CUBN: variants seen among roughly 807,000 people sequenced by gnomAD.
The protein encoded by CUBN is cubilin.
CUBN carries 282 observed loss-of-function variants against 405.3 expected under a neutral mutation model. The ratio of observed to expected loss-of-function variants is 0.70; its 90% CI spans 0.63 to 0.77. CUBN has a LOEUF of 0.77. CUBN is among the 30% of genes least tolerant of loss of function. CUBN has a pLI of 0.00. For synonymous variants in CUBN, 1,684 were observed against 1,617.0 expected, an observed-to-expected ratio of 1.04 and a Z score of -0.99; for missense variants, 4,514 against 4,475.2, an observed-to-expected ratio of 1.01 and a Z score of -0.25.
At chr10:16,932,906 T>G (rs1215665556) in intron 40 of CUBN, among the ~76,000 whole-genome samples, 181 bp downstream of exon 40, 1 of 152,188 alleles carries the variant, frequency 6.6e-6, no homozygotes, top group African/African-American at 2.4e-5. Context: ...TGACCGGTAA[T>G]TTAATACTTT....
At chr10:16,938,889 C>T (rs993607340) in intron 38 of CUBN, 74 bp downstream of exon 38, 11 of 1,327,108 alleles carry the variant, frequency 8.3e-6, no homozygotes, top group South Asian at 2.4e-5. Flanking sequence ...CTTGAATAGA[C>T]GTTACCTTGG....
At position 16,869,649 on chromosome 10, in the gene CUBN, G is replaced by A. The variant is rs1257628128; in HGVS notation, c.9441C>T (p.Phe3147=). The A allele has an allele frequency of 1.2e-6, 2 of 1,612,992 alleles. No individual in the cohort carries two copies. The highest frequency in any genetic ancestry group is 2.2e-5 in the South Asian group (2 of 91,050). Reference sequence around the variant, plus strand: ...CAGAATTCTTACCCAATGTCTGCCGGAAAGACATCTTCCAGCCTTTTGCTG... The same window carrying A: ...CAGAATTCTTACCCAATGTCTGCCGAAAAGACATCTTCCAGCCTTTTGCTG... The part of the protein sequence containing the change: ...FQTAKGWKMS[F]RQTLGPQQGC... The change falls in exon 59 of 67, where the codon TTC becomes TTT. Residue 3147 remains phenylalanine, a synonymous_variant. Coordinates refer to ENST00000377833, the MANE Select transcript of CUBN (RefSeq NM_001081.4).
At chr10:17,122,682 A>T in intron 6 of CUBN, 113 bp downstream of exon 6, 2 of 716,992 alleles carry the variant, frequency 2.8e-6, no homozygotes, top group South Asian at 3.1e-5. Context: ...TTCCTCATGG[A>T]GTACCAACTT....
rs1188209519 is a variant in CUBN, at chr10:16,954,469, G to A, written c.4775C>T (p.Ser1592Phe). 6.2e-7 allele frequency: 1 copy of A among 1,614,086 alleles called. No individual in the cohort carries two copies. The highest frequency in any genetic ancestry group is 8.5e-7 in the Non-Finnish European group (1 of 1,180,020). Residue 1592 changes from serine to phenylalanine, a missense_variant, in exon 32 of 67, where the codon TCC becomes TTC. Physicochemically the swap from Ser to Phe is radical, Grantham distance 155. Transcript: ENST00000377833. The part of the protein sequence containing the change: ...GREQLANPIV[S>F]SGNSLFLRFQ... ...TCTCAAGAAGAGGCTGTTTCCTGAG[G>A]AGACGATGGGGTTAGCCAGCTGCTC...
chr10:17,045,384 G>A (rs1424467598), intron 24 of CUBN, among the ~76,000 whole-genome samples, 196 bp from the exon 25 acceptor site: 2 of 146,284 alleles, frequency 1.4e-5, no homozygotes, highest in African/African-American at 2.6e-5. Flanking sequence ...TTTTGAGATG[G>A]AGTCTCACTG....
rs1564413350 is a variant in CUBN at position 16,902,194 on chromosome 10, T to C, written c.8063-735A>G. The stretch of plus-strand genomic sequence containing the variant: ...TATATAGTATATATATTTGTATATA[T>C]AGTATATATATTTATATATATAGTA... On this transcript the variant is annotated intron_variant, in intron 51 of 66. Transcript: ENST00000377833. Among the ~76,000 whole-genome samples the C allele has an allele frequency of 2.2e-5, 3 of 136,122 alleles. No individual in the cohort carries two copies. The South Asian group carries it at 6.5e-4, about 30-fold the overall frequency. 89.3% of individuals were successfully genotyped at this position (136,122 alleles called of 152,430 possible).
intron 28 of CUBN, among the ~76,000 whole-genome samples, chr10:17,010,882 T>C (rs1458174845): frequency 6.6e-6 from 1 of 152,202 alleles, no homozygotes; most frequent in African/African-American, 2.4e-5. Context: ...CTCCTAAGTG[T>C]ATAATAGGGC....
At chr10:16,957,956 C>T (rs1241376356) in intron 31 of CUBN, among the ~76,000 whole-genome samples, 1 of 150,188 alleles carries the variant, frequency 6.7e-6, no homozygotes, top group African/African-American at 2.4e-5. Context: ...CAAAATAAGA[C>T]TCTTCTGGTT....
At chr10:17,017,458 C>T (rs190021016) in intron 28 of CUBN, among the ~76,000 whole-genome samples, 26 of 152,206 alleles carry the variant, frequency 1.7e-4, no homozygotes, top group South Asian at 2.1e-4. Flanking sequence ...GGACCTTACC[C>T]GCATCGTATA....
chr10:17,041,396 A>T (rs1421784128), intron 26 of CUBN, among the ~76,000 whole-genome samples, 176 bp from the exon 27 acceptor site: 1 of 152,090 alleles, frequency 6.6e-6, no homozygotes, highest in Non-Finnish European at 1.5e-5. Flanking sequence ...ACACATATAT[A>T]TTTGGTGCAG....
chr10:16,863,127 T>C (rs1840065475), intron 59 of CUBN, among the ~76,000 whole-genome samples: 1 of 152,230 alleles, frequency 6.6e-6, no homozygotes, highest in Non-Finnish European at 1.5e-5. Flanking sequence ...CATTTGTTGG[T>C]TTCTTTATCC....
At chr10:16,938,899 G>C (rs1842585676) in intron 38 of CUBN, 64 bp downstream of exon 38, 1 of 1,407,418 alleles carries the variant, frequency 7.1e-7, no homozygotes, top group African/African-American at 1.4e-5. Context: ...CGTTACCTTG[G>C]ATTTATTTTT....
intron 31 of CUBN, among the ~76,000 whole-genome samples, chr10:16,967,974 G>GGA (rs1396239239): frequency 1.5e-5 from 2 of 130,858 alleles, no homozygotes; most frequent in Non-Finnish European, 3.3e-5. Flanking sequence ...AGAAAGACAG[G>GGA]GAGAGAGAGA....
rs552715628 is a variant in CUBN, at chr10:17,068,589, G to A, written c.2791+16C>T. ...AAGCCCAAGAGGAGGAAAAAAAAAA[G>A]GGAACAGTCTCTTACCCAAATCCTC... On this transcript the variant is annotated intron_variant, in intron 20 of 66. Transcript: ENST00000377833. The A allele has an allele frequency of 5.0e-6, 8 of 1,584,690 alleles. No individual in the cohort carries two copies. In the East Asian group the frequency reaches 6.7e-5, roughly 13 times the overall value.
Position 16,875,632 on chromosome 10 carries a change from C to T in CUBN, c.9107-1129G>A, listed in dbSNP as rs377706786. Among the ~76,000 whole-genome samples, 7 of 152,218 alleles carry T rather than the reference C, an allele frequency of 4.6e-5. No individual in the cohort carries two copies. In the South Asian group the frequency reaches 1.4e-3, roughly 32 times the overall value. ...TGAATTACATGTCAGATAAGGGTAG[C>T]AATCACTCCTTTTCACTTTATACAC... On this transcript the variant is annotated intron_variant, in intron 57 of 66. Coordinates refer to ENST00000377833, the MANE Select transcript of CUBN (RefSeq NM_001081.4).
chr10:17,114,295 T>G lies in CUBN; in HGVS notation c.721-106A>C, dbSNP rs1198506150. On this transcript the variant is annotated intron_variant, in intron 7 of 66. Transcript: ENST00000377833. ...AACTGTTTATCCTCTAACGTTCATTTCCATAAGGCCAATCCACTGGCTTCT... is the reference window on the plus strand; with the variant it reads ...AACTGTTTATCCTCTAACGTTCATTGCCATAAGGCCAATCCACTGGCTTCT... 3 of 1,131,362 alleles carry G rather than the reference T, an allele frequency of 2.7e-6. No individual in the cohort carries two copies. The African/African-American group carries it at 4.6e-5, about 17-fold the overall frequency. The allele number at this position is 1,131,362 out of a possible 1,614,324, so 70.1% of individuals were successfully genotyped here. A position where few individuals can be genotyped will look rare whatever the true frequency, so the allele number is the denominator to read the frequency against.
Position 16,840,364 on chromosome 10 carries a change from G to A in CUBN, c.9998C>T (p.Thr3333Met), listed in dbSNP as rs140637500. 109 of 1,613,980 alleles carry A rather than the reference G, an allele frequency of 6.8e-5. No individual in the cohort carries two copies. Among genetic ancestry groups the A allele is most frequent in the Middle Eastern group, 1.6e-4 (1 of 6,084 alleles). Residue 3333 changes from threonine to methionine, a missense_variant, in exon 62 of 67, where the codon ACG (threonine) becomes ATG (methionine). This residue lies in a region of CUBN where 1,186 missense variants were observed against 1,186.9 expected (regional missense o/e 1.00). Coordinates refer to ENST00000377833, the MANE Select transcript of CUBN (RefSeq NM_001081.4). ...WALQLTSQDC[T>M]QNYLQLQDSP... ...GTCCTGAAGCTGTAAGTAATTCTGCGTGCAGTCTTGCGAGGTCAGCTGTAA... is the reference window on the plus strand; with the variant it reads ...GTCCTGAAGCTGTAAGTAATTCTGCATGCAGTCTTGCGAGGTCAGCTGTAA...
intron 58 of CUBN, among the ~76,000 whole-genome samples, chr10:16,871,623 A>G (rs1469465529): frequency 1.3e-5 from 2 of 152,144 alleles, no homozygotes; most frequent in Admixed American, 6.6e-5. Context: ...CAATAGCTAG[A>G]TAATTTCCAA....
chr10:17,048,073 G>T (rs778365276), intron 22 of CUBN, among the ~76,000 whole-genome samples: 2 of 152,244 alleles, frequency 1.3e-5, no homozygotes, highest in Non-Finnish European at 2.9e-5. Context: ...GAGTGATCTC[G>T]AATGAAAACC....
Sources: gnomAD v4.1 joint callset for allele counts (sites outside exome capture counted in the v4.1 genomes callset) on GRCh38, gnomAD v4.1.1 for gene constraint, gnomAD v4.1.1 regional missense constraint, MANE v1.5 for transcripts, NCBI Gene and HGNC (gene_info 2026-07-23, HGNC 2026-07-21) for gene names.